The following ELMO1 variants were observed in gnomAD, a reference collection of about 807,000 sequenced individuals.
ELMO1 encodes engulfment and cell motility protein 1.
Under a neutral mutation model 98.9 loss-of-function variants are expected in ELMO1, and 26 were observed. The ratio of observed to expected loss-of-function variants is 0.26; its 90% confidence interval spans 0.19 to 0.36. The LOEUF is 0.36. ELMO1 is among the 10% of genes least tolerant of loss of function. The pLI, the probability that ELMO1 is intolerant of heterozygous loss-of-function variation, is 1.00. For synonymous variants in ELMO1, 346 were observed against 346.0 expected (o/e 1.00, Z 0.00); for missense variants, 627 against 935.2 (o/e 0.67, Z 4.30).
intron 14 of ELMO1, among the ~76,000 whole-genome samples, chr7:37,128,767 T>C (rs1786699215): frequency 1.3e-5 from 2 of 152,174 alleles, no homozygotes; most frequent in South Asian, 4.1e-4. Flanking sequence ...AGCTCTTTAC[T>C]CATGTGAATT....
Position 37,108,797 on chromosome 7 carries a change from C to T in ELMO1, c.1192-12070G>A, listed in dbSNP as rs532052526. ...TTATTGAACAAGTGCATGGACAGTA[C>T]GAGTCATGACTCTGGCCTCTGGTGA... is the stretch of plus-strand genomic sequence containing the variant. On this transcript the variant is annotated intron_variant, in intron 14 of 21. Coordinates refer to ENST00000310758, the MANE Select transcript of ELMO1 (RefSeq NM_014800.11). 5.3e-5 allele frequency among the ~76,000 whole-genome samples: 8 copies of T among 152,260 alleles called. No homozygotes were observed. In the East Asian group the frequency reaches 1.2e-3, roughly 22 times the overall value.
intron 14 of ELMO1, among the ~76,000 whole-genome samples, chr7:37,126,215 G>T (rs562858194): frequency 6.8e-4 from 103 of 151,100 alleles, no homozygotes; most frequent in Non-Finnish European, 1.2e-3. Flanking sequence ...GTTAATGGGT[G>T]CGGCACACCA....
intron 15 of ELMO1, among the ~76,000 whole-genome samples, chr7:37,055,394 G>A (rs560365350): frequency 6.6e-6 from 1 of 152,278 alleles, no homozygotes; most frequent in South Asian, 2.1e-4. Flanking sequence ...GACTACAGCA[G>A]GAGACAAACA....
intron 15 of ELMO1, among the ~76,000 whole-genome samples, chr7:37,044,237 G>A (rs1349392023): frequency 1.3e-5 from 2 of 152,170 alleles, no homozygotes; most frequent in Non-Finnish European, 2.9e-5. Context: ...CAGGGACTAT[G>A]ATTGTAATGG....
intron 15 of ELMO1, among the ~76,000 whole-genome samples, chr7:37,095,951 G>A (rs559864385): frequency 6.6e-6 from 1 of 152,136 alleles, no homozygotes; most frequent in African/African-American, 2.4e-5. Context: ...GTTCAACATC[G>A]ACAATGATAA....
rs1475316798 is a variant in ELMO1, at chr7:36,853,501, T to C, written c.*2050A>G. ...CTGTTTTATCATGATGATGGGTAGA[T>C]TAATAACTGCTCCTGATAGCAAGTA... On this transcript the variant is annotated 3_prime_UTR_variant, in exon 22 of 22. Transcript: ENST00000310758. Among the ~76,000 whole-genome samples the C allele has an allele frequency of 6.6e-6, 1 of 152,212 alleles. No homozygotes were observed. The highest frequency in any genetic ancestry group is 1.5e-5 in the Non-Finnish European group (1 of 68,036).
intron 4 of ELMO1, among the ~76,000 whole-genome samples, chr7:37,278,691 T>C (rs565239150): frequency 6.6e-6 from 1 of 152,316 alleles, no homozygotes; most frequent in Admixed American, 6.5e-5. Flanking sequence ...TGCAGTCAGT[T>C]CCTATACATC....
At chr7:37,428,030 G>GGTGTGT (rs10681558) in intron 1 of ELMO1, among the ~76,000 whole-genome samples, 15,571 of 149,786 alleles carry the variant, frequency 0.1, 1,064 homozygotes, top group Admixed American at 0.22. Context: ...GTATGCTTGG[G>GGTGTGT]GTGTGTGTGT....
chr7:36,929,552 A>T (rs1785858349), intron 16 of ELMO1, among the ~76,000 whole-genome samples: 1 of 152,138 alleles, frequency 6.6e-6, no homozygotes, highest in African/African-American at 2.4e-5. Context: ...ACCTTTATTA[A>T]GCATGCTTTA....
chr7:36,971,936 A>C (rs1789995617), intron 16 of ELMO1, among the ~76,000 whole-genome samples: 1 of 152,206 alleles, frequency 6.6e-6, no homozygotes, highest in African/African-American at 2.4e-5. Context: ...TTTGTAAGGT[A>C]ATTTCACAAA....
At chr7:37,094,205 G>A (rs974916932) in intron 15 of ELMO1, among the ~76,000 whole-genome samples, 1 of 152,198 alleles carries the variant, frequency 6.6e-6, no homozygotes, top group Non-Finnish European at 1.5e-5. Context: ...AGCTGTCCAA[G>A]CCCAGTCTCA....
chr7:37,015,725 C>T (rs375571231), intron 15 of ELMO1, among the ~76,000 whole-genome samples: 2 of 152,310 alleles, frequency 1.3e-5, no homozygotes, highest in East Asian at 1.9e-4. Flanking sequence ...AAGTTAACAC[C>T]GATATGGAGG....
At chr7:36,991,364 G>A (rs1019200340) in intron 16 of ELMO1, among the ~76,000 whole-genome samples, 14 of 152,208 alleles carry the variant, frequency 9.2e-5, no homozygotes, top group Admixed American at 9.2e-4. Context: ...AAGGATGTGA[G>A]ATCAGAAGTG....
intron 13 of ELMO1, among the ~76,000 whole-genome samples, chr7:37,148,280 C>T (rs1170058643): frequency 7.2e-5 from 11 of 152,150 alleles, no homozygotes; most frequent in African/African-American, 2.7e-4. Context: ...AAAGTCTTAA[C>T]AATACAGAAA....
At chr7:37,098,217 C>A (rs1325611598) in intron 14 of ELMO1, among the ~76,000 whole-genome samples, 4 of 152,116 alleles carry the variant, frequency 2.6e-5, no homozygotes, top group Non-Finnish European at 5.9e-5. Flanking sequence ...GTGGCAGGGA[C>A]AGGTGTTTTA....
chr7:37,239,384 C>T (rs1794643836), intron 7 of ELMO1, among the ~76,000 whole-genome samples: 1 of 152,130 alleles, frequency 6.6e-6, no homozygotes, highest in African/African-American at 2.4e-5. Flanking sequence ...CCAGGCTGGT[C>T]TTGAATTCCT....
At chr7:36,922,347 CAAAAAAAAAAA>C (rs750588423) in intron 16 of ELMO1, among the ~76,000 whole-genome samples, 12 of 85,564 alleles carry the variant, frequency 1.4e-4, no homozygotes, top group African/African-American at 4.0e-4. Context: ...CACAGACTTG[CAAAAAAAAAAA>C]AAAAAAAAAA....
chr7:37,140,801 T>C (rs1033974092), intron 13 of ELMO1, among the ~76,000 whole-genome samples: 5 of 152,004 alleles, frequency 3.3e-5, no homozygotes, highest in African/African-American at 1.2e-4. Context: ...TCAGTAATAA[T>C]CAGGGAAATG....
chr7:37,188,434 ACACACACACACACAC>A (rs1791349138), intron 13 of ELMO1, among the ~76,000 whole-genome samples: 1 of 38,490 alleles, frequency 2.6e-5, no homozygotes, highest in South Asian at 1.7e-3. Context: ...ACACACACAC[ACACACACACACACAC>A]ACGCAAACAC....
Sources: allele counts gnomAD v4.1 joint callset (sites outside exome capture counted in the v4.1 genomes callset), GRCh38; gene constraint gnomAD v4.1.1; transcripts MANE v1.5; gene names NCBI Gene and HGNC (gene_info 2026-07-23, HGNC 2026-07-21).